The following RPA2 variants were observed in gnomAD, a reference collection of about 807,000 sequenced individuals.
The protein encoded by RPA2 is replication protein A 32 kDa subunit.
Under a neutral mutation model 33.4 loss-of-function variants are expected in RPA2, and 22 were observed. The ratio of observed to expected loss-of-function variants is 0.66; its 90% CI spans 0.47 to 0.94. RPA2 has a LOEUF of 0.94. Among genes scored for constraint, RPA2 ranks in the 40% least tolerant of loss-of-function variants. The pLI, the probability that RPA2 is intolerant of heterozygous loss-of-function variation, is 0.00. For synonymous variants in RPA2, 109 were observed against 114.9 expected (o/e 0.95, Z 0.33); for missense variants, 279 against 329.9 (o/e 0.85, Z 1.19).
intron 4 of RPA2, among the ~76,000 whole-genome samples, chr1:27,902,093 C>T (rs2089974730): frequency 6.6e-6 from 1 of 151,642 alleles, no homozygotes; most frequent in African/African-American, 2.4e-5. Flanking sequence ...ACTGAAAAGA[C>T]TATTTTTTTC....
In RPA2 at chr1:27,894,285, G is replaced by A. The variant is rs1057334130; in HGVS notation, c.633+5C>T. 4.3e-6 allele frequency: 7 copies of A among 1,612,428 alleles called. No homozygotes were observed. Among genetic ancestry groups the A allele is most frequent in the Non-Finnish European group, 5.9e-6 (7 of 1,179,112 alleles). Reference sequence around the variant, plus strand: ...TATTTCTGAAGCCACTCTGGTGGAGGTTACCTGGTTTTGGGCCACAGTGAG... The same window carrying A: ...TATTTCTGAAGCCACTCTGGTGGAGATTACCTGGTTTTGGGCCACAGTGAG... On this transcript the variant is annotated splice_donor_5th_base_variant and intron_variant, in intron 7 of 8. Transcript: ENST00000373912.
chr1:27,893,000 G>A lies in RPA2; in HGVS notation c.729-753C>T, dbSNP rs567627597. 2.0e-5 allele frequency among the ~76,000 whole-genome samples: 3 copies of A among 152,262 alleles called. No individual in the cohort carries two copies. In the South Asian group the frequency reaches 6.2e-4, roughly 32 times the overall value. ...TTGTCTAAGATGGAATCAGGACAAG[G>A]GTGTTGGAAGGACTGATTGTTTAAT... On this transcript the variant is annotated intron_variant, in intron 8 of 8. Transcript: ENST00000373912.
chr1:27,904,829 A>C lies in RPA2; in HGVS notation c.333+2099T>G, dbSNP rs571811486. On this transcript the variant is annotated intron_variant, in intron 4 of 8. Coordinates refer to ENST00000373912, the MANE Select transcript of RPA2 (RefSeq NM_002946.5). The stretch of plus-strand genomic sequence containing the variant: ...CAGGCACCCAGCTCATTTTTGTATC[A>C]TTAGTAGAGATGGAGTTTCATCACG... Among the ~76,000 whole-genome samples, 33 of 152,062 alleles carry C rather than the reference A, an allele frequency of 2.2e-4. 1 individual carries two copies. The highest frequency in any genetic ancestry group is 2.1e-3 in the South Asian group (10 of 4,820).
At chr1:27,900,440 A>T (rs2089954392) in intron 4 of RPA2, among the ~76,000 whole-genome samples, 1 of 150,204 alleles carries the variant, frequency 6.7e-6, no homozygotes, top group Non-Finnish European at 1.5e-5. Context: ...TGAAGTATAT[A>T]TTGGGTGGCT....
chr1:27,914,625 A>T (rs773626515), upstream of RPA2: 2 of 1,613,870 alleles, frequency 1.2e-6, no homozygotes, highest in Non-Finnish European at 1.7e-6. Flanking sequence ...ATCGGTGCTC[A>T]CGGATGCTAC....
chr1:27,908,790 G>A (rs557101127), intron 2 of RPA2, among the ~76,000 whole-genome samples: 1 of 152,160 alleles, frequency 6.6e-6, no homozygotes, highest in Non-Finnish European at 1.5e-5. Flanking sequence ...GAGCCACCGC[G>A]CCAGGCCCAA....
chr1:27,906,314 C>T (rs2090027704), intron 4 of RPA2, among the ~76,000 whole-genome samples: 1 of 151,074 alleles, frequency 6.6e-6, no homozygotes, highest in South Asian at 2.1e-4. Flanking sequence ...CTGCAATGAG[C>T]TGAGATTGCG....
chr1:27,913,299 C>A (rs1336628807), intron 2 of RPA2, among the ~76,000 whole-genome samples: 2 of 150,482 alleles, frequency 1.3e-5, no homozygotes, highest in African/African-American at 4.9e-5. Flanking sequence ...AATTTAAAAG[C>A]GACTTTGGGC....
At chr1:27,908,331 T>C (rs1191072461) in intron 2 of RPA2, among the ~76,000 whole-genome samples, 4 of 152,006 alleles carry the variant, frequency 2.6e-5, no homozygotes, top group Non-Finnish European at 4.4e-5. Context: ...GGTTTTGCTA[T>C]GTTGCCCAGG....
intron 2 of RPA2, among the ~76,000 whole-genome samples, chr1:27,908,727 A>AC (rs2090062121): frequency 6.6e-6 from 1 of 152,080 alleles, no homozygotes; most frequent in Non-Finnish European, 1.5e-5. Context: ...CGAACACCTG[A>AC]CCTCAGGCAA....
chr1:27,897,853 C>T (rs2089912820), intron 4 of RPA2, 146 bp from the exon 5 acceptor site: 2 of 448,432 alleles, frequency 4.5e-6, no homozygotes, highest in African/African-American at 4.1e-5. Flanking sequence ...TTTGCCCTGC[C>T]TTTTACAACT....
In RPA2 at chr1:27,891,948, T is replaced by C; in HGVS notation, c.*215A>G. ...CTTCCTCAAGAAATCCCACCCTGGA[T>C]TGCATCCCTGTCAATTGCCCATCTC... is the stretch of plus-strand genomic sequence containing the variant. On this transcript the variant is annotated 3_prime_UTR_variant, in exon 9 of 9. Coordinates refer to ENST00000373912, the MANE Select transcript of RPA2 (RefSeq NM_002946.5). The C allele has an allele frequency of 8.1e-6, 4 of 493,554 alleles. No individual in the cohort carries two copies. The highest frequency in any genetic ancestry group is 3.5e-5 in the South Asian group (1 of 28,588). The allele number at this position is 493,554 out of a possible 1,614,324, so 30.6% of individuals were successfully genotyped here. A position where few individuals can be genotyped will look rare whatever the true frequency, so the allele number is the denominator to read the frequency against.
chr1:27,912,353 A>T (rs1312009607), intron 2 of RPA2, among the ~76,000 whole-genome samples: 23 of 151,604 alleles, frequency 1.5e-4, no homozygotes, highest in Non-Finnish European at 2.1e-4. Context: ...AGACCAGCCT[A>T]GCCAACATGG....
At chr1:27,900,415 A>G (rs2089954194) in intron 4 of RPA2, among the ~76,000 whole-genome samples, 1 of 151,480 alleles carries the variant, frequency 6.6e-6, no homozygotes, top group Admixed American at 6.6e-5. Flanking sequence ...CCTGGCCAAC[A>G]GCTCTTTTTT....
intron 3 of RPA2, 27 bp downstream of exon 3, chr1:27,907,149 TAAGTG>T (rs2090039849): frequency 6.3e-7 from 1 of 1,595,526 alleles, no homozygotes; most frequent in Admixed American, 1.7e-5. Context: ...TTATTATGAG[TAAGTG>T]ATTCTTTCAC....
At chr1:27,899,270 A>C (rs989398417) in intron 4 of RPA2, among the ~76,000 whole-genome samples, 13 of 151,656 alleles carry the variant, frequency 8.6e-5, no homozygotes, top group Non-Finnish European at 1.8e-4. Flanking sequence ...GCTCTTTGGG[A>C]GGCTGAGGCG....
chr1:27,891,759 C>A lies in RPA2; in HGVS notation c.*404G>T. ...GTGGGAAATGAAAACAGGCAGAGGCCAGCAGGTTTCTCGGCTAGGGCTCTG... is the reference window on the plus strand; with the variant it reads ...GTGGGAAATGAAAACAGGCAGAGGCAAGCAGGTTTCTCGGCTAGGGCTCTG... On this transcript the variant is annotated 3_prime_UTR_variant, in exon 9 of 9. Transcript: ENST00000373912. The A allele has an allele frequency of 6.2e-6, 1 of 161,354 alleles. No homozygotes were observed. The highest frequency in any genetic ancestry group is 1.3e-5 in the Non-Finnish European group (1 of 74,202). The allele number at this position is 161,354 out of a possible 1,614,324, so 10.0% of individuals were successfully genotyped here.
chr1:27,898,326 A>G (rs141174098), intron 4 of RPA2, among the ~76,000 whole-genome samples: 3 of 152,350 alleles, frequency 2.0e-5, no homozygotes, highest in South Asian at 2.1e-4. Context: ...ACATTTCTAT[A>G]TAATAGGATA....
intron 4 of RPA2, among the ~76,000 whole-genome samples, chr1:27,903,550 C>T (rs2089992879): frequency 6.6e-6 from 1 of 151,400 alleles, no homozygotes; most frequent in Non-Finnish European, 1.5e-5. Flanking sequence ...GAAACCCCGT[C>T]TCTACTAAAA....
Sources: allele counts gnomAD v4.1 joint callset (sites outside exome capture counted in the v4.1 genomes callset), GRCh38; gene constraint gnomAD v4.1.1; transcripts MANE v1.5; gene names NCBI Gene and HGNC (gene_info 2026-07-23, HGNC 2026-07-21).